Variants in TNS1 observed in about 807,000 individuals in gnomAD.
TNS1 encodes tensin 1.
A neutral mutation model predicts 168.6 loss-of-function variants in TNS1; 62 were observed. The observed-to-expected ratio is 0.37, with a 90% CI of 0.30 to 0.45. The LOEUF (loss-of-function observed/expected upper bound fraction) is 0.45. TNS1 is among the 20% of genes least tolerant of loss of function. TNS1 has a pLI of 1.00. For synonymous variants in TNS1, 934 were observed against 933.2 expected, an observed-to-expected ratio of 1.00 and a Z score of -0.02; for missense variants, 2,240 against 2,339.4, an observed-to-expected ratio of 0.96 and a Z score of 0.88.
At position 218,002,965 on chromosome 2, in the gene TNS1, G is replaced by A. The variant is rs1163587786; in HGVS notation, c.-93C>T. 10 of 455,102 alleles carry A rather than the reference G, an allele frequency of 2.2e-5. No homozygotes were observed. 28.2% of individuals were successfully genotyped at this position (455,102 alleles called of 1,614,324 possible). On this transcript the variant is annotated 5_prime_UTR_variant, in exon 1 of 33. Transcript: ENST00000682258. ...CGGCGCTGGCAGAAGGGCTCTCTGA[G>A]TCCGCGGCTGCTCCGGCTCCGCCAG...
upstream of TNS1, among the ~76,000 whole-genome samples, chr2:218,012,485 G>T (rs1958714600): frequency 6.6e-6 from 1 of 152,134 alleles, no homozygotes; most frequent in South Asian, 2.1e-4. Flanking sequence ...GCTCAGCAGG[G>T]CAGAGTCCAT....
intron 3 of TNS1, among the ~76,000 whole-genome samples, chr2:217,970,128 G>A (rs991478332): frequency 3.3e-5 from 5 of 152,168 alleles, no homozygotes; most frequent in East Asian, 3.8e-4. Context: ...ACCAAAGATC[G>A]CTGGAAACCT....
chr2:217,973,893 A>T (rs1467822726), intron 3 of TNS1, among the ~76,000 whole-genome samples: 1 of 152,264 alleles, frequency 6.6e-6, no homozygotes, highest in Non-Finnish European at 1.5e-5. Context: ...ATGGCAATCA[A>T]CAGTGGAATG....
upstream of TNS1, among the ~76,000 whole-genome samples, chr2:218,011,065 G>A (rs1381439901): frequency 6.6e-6 from 1 of 152,190 alleles, no homozygotes; most frequent in Non-Finnish European, 1.5e-5. Context: ...TGGGAGAGAG[G>A]AGAGCTGGAC....
At chr2:217,988,487 T>A (rs185594096) in intron 2 of TNS1, among the ~76,000 whole-genome samples, 1 of 152,054 alleles carries the variant, frequency 6.6e-6, no homozygotes, top group Non-Finnish European at 1.5e-5. Flanking sequence ...TATCACCATA[T>A]TGGGAGTCCC....
intron 8 of TNS1, 53 bp from the exon 9 acceptor site, chr2:217,895,109 C>T (rs1359343291): frequency 1.6e-5 from 24 of 1,542,558 alleles, no homozygotes; most frequent in East Asian, 1.4e-4. Flanking sequence ...AGGAGGGCGG[C>T]GAGGAGAGAG....
rs1445139574 is a variant in TNS1 at position 217,817,899 on chromosome 2, G to A, written c.4433C>T (p.Ser1478Phe). ...SSPATSPSPD[S>F]AAFRQGSPTP... ...TGGGCTCCCTTGCCGGAAGGCTGCG[G>A]AGTCTGGTGACGGGGAGGTGGCAGG... is the stretch of plus-strand genomic sequence containing the variant. Residue 1478 changes from serine to phenylalanine, a missense_variant, in exon 24 of 33, where the codon TCC (serine) becomes TTC (phenylalanine). Ser to Phe is a radical substitution (Grantham distance 155). Transcript: ENST00000682258. 1.9e-6 allele frequency: 3 copies of A among 1,613,898 alleles called. No homozygotes were observed. Among genetic ancestry groups the A allele is most frequent in the African/African-American group, 2.7e-5 (2 of 74,936 alleles).
upstream of TNS1, among the ~76,000 whole-genome samples, chr2:218,004,575 G>A (rs766440137): frequency 6.6e-6 from 1 of 152,258 alleles, no homozygotes; most frequent in Non-Finnish European, 1.5e-5. Flanking sequence ...GCAGTATTCA[G>A]ATACACAGGT....
At chr2:217,863,301 C>T (rs112832281) in intron 18 of TNS1, among the ~76,000 whole-genome samples, 82 of 152,172 alleles carry the variant, frequency 5.4e-4, no homozygotes, top group Middle Eastern at 3.4e-3. Context: ...AGGAGCACCC[C>T]CAGGTAGCCA....
At chr2:217,851,606 C>A (rs569135633) in intron 18 of TNS1, among the ~76,000 whole-genome samples, 82 of 152,184 alleles carry the variant, frequency 5.4e-4, no homozygotes, top group Non-Finnish European at 9.9e-4. Flanking sequence ...ATTGCAGCAG[C>A]CCAGGGCCCA....
rs1937388138 is a variant in TNS1 at position 217,800,881 on chromosome 2, T to A, written c.*3578A>T. The A allele has an allele frequency of 6.6e-6, 1 of 152,248 alleles. No homozygotes were observed. The highest frequency in any genetic ancestry group is 1.5e-5 in the Non-Finnish European group (1 of 68,084). The allele number at this position is 152,248 out of a possible 1,614,324, so 9.4% of individuals were successfully genotyped here. On this transcript the variant is annotated 3_prime_UTR_variant, in exon 33 of 33. Coordinates refer to ENST00000682258, the MANE Select transcript of TNS1 (RefSeq NM_001387777.1). ...GTGCCCCCTGGACAGCATGCTCCCC[T>A]GGAGCCCCTGCACAGGCTCATCAGA...
intron 12 of TNS1, chr2:217,890,688 C>T: frequency 3.8e-6 from 2 of 520,014 alleles, no homozygotes; most frequent in Middle Eastern, 1.0e-3. Flanking sequence ...CTTCTTATCC[C>T]CAGACTCATG....
chr2:217,857,068 A>G (rs1306265995), intron 18 of TNS1, among the ~76,000 whole-genome samples: 2 of 152,208 alleles, frequency 1.3e-5, no homozygotes, highest in Non-Finnish European at 2.9e-5. Context: ...CCAAATCTCA[A>G]TGTCAGCCTG....
At chr2:218,000,246 T>G (rs1212333062) in intron 1 of TNS1, among the ~76,000 whole-genome samples, 1 of 152,258 alleles carries the variant, frequency 6.6e-6, no homozygotes, top group African/African-American at 2.4e-5. Flanking sequence ...ACTTCTTAGA[T>G]GACACAATTG....
intron 22 of TNS1, 117 bp from the exon 23 acceptor site, chr2:217,822,055 T>C: frequency 2.6e-6 from 3 of 1,141,122 alleles, no homozygotes; most frequent in South Asian, 3.2e-5. Context: ...AACATAGGAA[T>C]AGCCCCCAAA....
chr2:217,957,992 T>C (rs11896308), intron 3 of TNS1, among the ~76,000 whole-genome samples: 22,881 of 118,914 alleles, frequency 0.19, 2,467 homozygotes, highest in African/African-American at 0.44. Flanking sequence ...AAATCTCCCA[T>C]AATAAAGAAT....
At chr2:218,018,197 T>G (rs141205610) in intron 1 of TNS1, among the ~76,000 whole-genome samples, 2,170 of 152,218 alleles carry the variant, frequency 0.014, 58 homozygotes, top group African/African-American at 0.049. Flanking sequence ...AGGCTAGGAC[T>G]AAAGCAAAAA....
chr2:217,830,290 T>C, intron 22 of TNS1: 1 of 1,589,872 alleles, frequency 6.3e-7, no homozygotes, highest in East Asian at 2.2e-5. Flanking sequence ...TCCCTGGCCA[T>C]GCCGACACTC....
intron 1 of TNS1, 123 bp downstream of exon 1, chr2:218,002,717 C>T (rs759363256): frequency 1.3e-5 from 6 of 448,004 alleles, no homozygotes; most frequent in Non-Finnish European, 2.2e-5. Context: ...ACAGAAAGGC[C>T]CCTCCTTCAA....
Sources: allele counts gnomAD v4.1 joint callset (sites outside exome capture counted in the v4.1 genomes callset), GRCh38; gene constraint gnomAD v4.1.1; transcripts MANE v1.5; gene names NCBI Gene and HGNC (gene_info 2026-07-23, HGNC 2026-07-21).